Variants in ARHGAP35 observed in about 807,000 individuals in gnomAD.
ARHGAP35 encodes rho GTPase-activating protein 35.
In ARHGAP35, 15 loss-of-function variants were observed where a neutral mutation model predicts 111.1. The observed-to-expected ratio is 0.13, with a 90% confidence interval of 0.09 to 0.21. The LOEUF (loss-of-function observed/expected upper bound fraction) is 0.21, where lower values mean the gene tolerates loss of function less well. Among genes scored for constraint, ARHGAP35 ranks in the 10% least tolerant of loss-of-function variants. The pLI, the probability that ARHGAP35 is intolerant of heterozygous loss-of-function variation, is 1.00. For synonymous variants in ARHGAP35, 643 were observed against 710.3 expected, an observed-to-expected ratio of 0.91 and a Z score of 1.51; for missense variants, 1,262 against 1,873.0, an observed-to-expected ratio of 0.67 and a Z score of 6.02.
intron 2 of ARHGAP35, among the ~76,000 whole-genome samples, chr19:46,932,887 G>A (rs1215903034): frequency 2.0e-5 from 3 of 152,154 alleles, no homozygotes; most frequent in African/African-American, 4.8e-5. Context: ...TGAGGTGAAA[G>A]AGATAGGAGC....
rs1004580630 is a variant in ARHGAP35 at position 47,002,284 on chromosome 19, C to G, written c.*1596C>G. 3 of 152,820 alleles carry G rather than the reference C, an allele frequency of 2.0e-5. No individual in the cohort carries two copies. The highest frequency in any genetic ancestry group is 2.0e-4 in the Admixed American group (3 of 15,292). The allele number at this position is 152,820 out of a possible 1,614,324, so 9.5% of individuals were successfully genotyped here. ...CCCGGGCGTCTGCAGCTGCCCTGCC[C>G]GTGCCCGCCTGCAGTGGTTGGAGAC... On this transcript the variant is annotated 3_prime_UTR_variant, in exon 7 of 7. Coordinates refer to ENST00000672722, the MANE Select transcript of ARHGAP35 (RefSeq NM_004491.5).
intron 1 of ARHGAP35, among the ~76,000 whole-genome samples, chr19:46,910,359 T>C (rs867800476): frequency 1.3e-5 from 2 of 152,060 alleles, no homozygotes; most frequent in Non-Finnish European, 2.9e-5. Context: ...AGTGTGATCT[T>C]GGCTCACTGC....
At chr19:46,864,187 C>G (rs2055843599) in intron 1 of ARHGAP35, among the ~76,000 whole-genome samples, 1 of 152,140 alleles carries the variant, frequency 6.6e-6, no homozygotes, top group African/African-American at 2.4e-5. Flanking sequence ...GATTTTTAGT[C>G]TTATTATCTG....
Position 46,919,050 on chromosome 19 carries a change from T to G in ARHGAP35, c.375T>G (p.Leu125=), listed in dbSNP as rs112108478. 6 of 1,613,986 alleles carry G rather than the reference T, an allele frequency of 3.7e-6. No homozygotes were observed. In the South Asian group the frequency reaches 5.5e-5, roughly 15 times the overall value. Residue 125 remains leucine (L), a synonymous_variant, in exon 2 of 7, where the codon CTT becomes CTG. Coordinates refer to ENST00000672722, the MANE Select transcript of ARHGAP35 (RefSeq NM_004491.5). This position sits in a 1 kb window ranked among gnomAD's most constrained non-coding sequence, Gnocchi z 6.2. ...PYIKRAAATK[L]ASAEKLMYFC... is the part of the protein sequence containing the mutation. ...TCAAGAGAGCTGCTGCGACCAAGCT[T>G]GCATCAGCTGAAAAACTCATGTACT...
At chr19:46,962,877 C>T (rs1018778327) in intron 3 of ARHGAP35, among the ~76,000 whole-genome samples, 7 of 152,176 alleles carry the variant, frequency 4.6e-5, no homozygotes, top group African/African-American at 1.7e-4. Context: ...GGCCAAAGTG[C>T]TGGGATCGCA....
intron 1 of ARHGAP35, among the ~76,000 whole-genome samples, chr19:46,883,549 A>G (rs2055976570): frequency 6.6e-6 from 1 of 152,200 alleles, no homozygotes; most frequent in Non-Finnish European, 1.5e-5. Context: ...AACAGCAAAC[A>G]TCACTACTCA....
chr19:46,862,858 C>A (rs1568455902), intron 1 of ARHGAP35, among the ~76,000 whole-genome samples: 2 of 152,144 alleles, frequency 1.3e-5, no homozygotes, highest in Non-Finnish European at 2.9e-5. Flanking sequence ...TGCCCACCCT[C>A]CACTGTTCTG....
At chr19:46,892,728 A>G (rs1362860807) in intron 1 of ARHGAP35, among the ~76,000 whole-genome samples, 1 of 151,356 alleles carries the variant, frequency 6.6e-6, no homozygotes, top group African/African-American at 2.4e-5. Flanking sequence ...GAAGTAAGAA[A>G]CCACCTAAAT....
At chr19:46,934,755 G>A (rs769060323) in intron 2 of ARHGAP35, among the ~76,000 whole-genome samples, 247 of 152,030 alleles carry the variant, frequency 1.6e-3, no homozygotes, top group Non-Finnish European at 2.4e-3. Flanking sequence ...CTACAGCCTC[G>A]ACCTCCTGGG....
intron 1 of ARHGAP35, among the ~76,000 whole-genome samples, chr19:46,877,729 A>G (rs2055933605): frequency 1.4e-5 from 2 of 147,688 alleles, no homozygotes; most frequent in African/African-American, 5.0e-5. Flanking sequence ...TGGAGGGGGG[A>G]CAGTTTCGCT....
chr19:47,001,116 T>C lies in ARHGAP35; in HGVS notation c.*428T>C. ...GGCAACCCCTGAAGAGAACACTTCC[T>C]GTTGGTCTGTCTCTTCCCACCTTCC... On this transcript the variant is annotated 3_prime_UTR_variant, in exon 7 of 7. Transcript: ENST00000672722. This position sits in a 1 kb window ranked among gnomAD's most constrained non-coding sequence, Gnocchi z 5.4. The C allele has an allele frequency of 2.4e-6, 3 of 1,241,998 alleles. No individual in the cohort carries two copies. In the South Asian group the frequency reaches 4.3e-5, roughly 18 times the overall value. The allele number at this position is 1,241,998 out of a possible 1,614,324, so 76.9% of individuals were successfully genotyped here.
chr19:46,864,875 G>A (rs190039546), intron 1 of ARHGAP35, among the ~76,000 whole-genome samples: 162 of 152,312 alleles, frequency 1.1e-3, no homozygotes, highest in Middle Eastern at 6.8e-3. Context: ...TAATATGGAA[G>A]TGACAGATAA....
chr19:46,885,950 T>G (rs906502010), intron 1 of ARHGAP35, among the ~76,000 whole-genome samples: 54 of 152,288 alleles, frequency 3.5e-4, no homozygotes, highest in African/African-American at 1.1e-3. Flanking sequence ...ATTTTTATAA[T>G]GTGATTTTTA....
At position 47,002,533 on chromosome 19, in the gene ARHGAP35, G is replaced by T. The variant is rs2056753821; in HGVS notation, c.*1845G>T. On this transcript the variant is annotated 3_prime_UTR_variant, in exon 7 of 7. Coordinates refer to ENST00000672722, the MANE Select transcript of ARHGAP35 (RefSeq NM_004491.5). ...GGTGGAGCTGTGCCTGGCCCTGTAG[G>T]CCCAGGGTTGGCTGGAAGGTGACAT... is the stretch of plus-strand genomic sequence containing the variant. 6.6e-6 allele frequency: 1 copy of T among 152,398 alleles called. No homozygotes were observed. 9.4% of individuals were successfully genotyped at this position (152,398 alleles called of 1,614,324 possible). A position where few individuals can be genotyped will look rare whatever the true frequency, so the allele number is the denominator to read the frequency against.
intron 1 of ARHGAP35, among the ~76,000 whole-genome samples, chr19:46,867,283 G>A (rs971189760): frequency 6.6e-6 from 1 of 152,132 alleles, no homozygotes; most frequent in East Asian, 1.9e-4. Context: ...TGCAGCAGTT[G>A]TGACTGTTGT....
chr19:46,913,372 C>T (rs969799817), intron 1 of ARHGAP35, among the ~76,000 whole-genome samples: 2 of 151,784 alleles, frequency 1.3e-5, no homozygotes, highest in South Asian at 2.1e-4. Context: ...TCTGGGATCA[C>T]GGTGGCATTT....
At chr19:46,968,311 G>A (rs1447299467) in intron 3 of ARHGAP35, among the ~76,000 whole-genome samples, 2 of 152,142 alleles carry the variant, frequency 1.3e-5, no homozygotes, top group African/African-American at 4.8e-5. Context: ...TAGGGCATGC[G>A]TGTGAAACAT....
At chr19:46,985,954 T>C (rs2056647550) in intron 3 of ARHGAP35, among the ~76,000 whole-genome samples, 1 of 152,028 alleles carries the variant, frequency 6.6e-6, no homozygotes, top group South Asian at 2.1e-4. Flanking sequence ...TCTCCAGAGG[T>C]AGCAGTGACA....
chr19:46,882,838 T>C (rs1189024617), intron 1 of ARHGAP35, among the ~76,000 whole-genome samples: 2 of 152,224 alleles, frequency 1.3e-5, no homozygotes, highest in Admixed American at 1.3e-4. Flanking sequence ...GAACTCACTC[T>C]TTTTTATGGC....
Sources: gnomAD v4.1 joint callset for allele counts (sites outside exome capture counted in the v4.1 genomes callset) on GRCh38, gnomAD v4.1.1 for gene constraint, Gnocchi (gnomAD v3.1) non-coding constraint, MANE v1.5 for transcripts, NCBI Gene and HGNC (gene_info 2026-07-23, HGNC 2026-07-21) for gene names.